Variants in LRRN2 observed in about 807,000 individuals in gnomAD.
LRRN2 encodes leucine-rich repeat neuronal protein 2.
Under a neutral mutation model 35.7 loss-of-function variants are expected in LRRN2, and 10 were observed. The ratio of observed to expected loss-of-function variants is 0.28; its 90% confidence interval spans 0.17 to 0.47. The LOEUF (loss-of-function observed/expected upper bound fraction) is 0.47. Ranked by LOEUF, LRRN2 falls within the 20% of genes least tolerant of loss-of-function variation. The probability of loss-of-function intolerance (pLI) is 0.99; values close to 1 mark genes in which losing one functional copy is unlikely to be tolerated. For synonymous variants in LRRN2, 391 were observed against 409.6 expected, an observed-to-expected ratio of 0.95 and a Z score of 0.55; for missense variants, 731 against 940.3, an observed-to-expected ratio of 0.78 and a Z score of 2.91.
At chr1:204,651,133 G>A (rs1668214853) in intron 1 of LRRN2, among the ~76,000 whole-genome samples, 1 of 152,172 alleles carries the variant, frequency 6.6e-6, no homozygotes, top group Admixed American at 6.5e-5. Flanking sequence ...TGCTGGTTCT[G>A]AGGAAGCTGT....
intron 1 of LRRN2, among the ~76,000 whole-genome samples, chr1:204,674,762 G>A (rs1462609812): frequency 6.6e-6 from 1 of 152,168 alleles, no homozygotes; most frequent in African/African-American, 2.4e-5. Flanking sequence ...CCAGGACAAA[G>A]AACACGGACA....
Position 204,638,410 on chromosome 1 carries a change from T to A in LRRN2, c.-226-18192A>T, listed in dbSNP as rs1463606675. 1.1e-4 allele frequency among the ~76,000 whole-genome samples: 14 copies of A among 127,026 alleles called. No individual in the cohort carries two copies. In the South Asian group the frequency reaches 4.1e-3, roughly 38 times the overall value. 83.3% of individuals were successfully genotyped at this position (127,026 alleles called of 152,430 possible). On this transcript the variant is annotated intron_variant, in intron 1 of 1. Coordinates refer to ENST00000367177, the MANE Select transcript of LRRN2 (RefSeq NM_201630.2). ...ACTTGCCCAAGGTCTTCCTTTTTTT[T>A]TTTTTTTTTTTTTTTTTTTGAGACG...
rs950300352 is a variant in LRRN2 at position 204,617,518 on chromosome 1, C to T, written c.*333G>A. On this transcript the variant is annotated 3_prime_UTR_variant, in exon 2 of 2. Coordinates refer to ENST00000367177, the MANE Select transcript of LRRN2 (RefSeq NM_201630.2). ...AAAGAGAAGAGGAAGGGGTGCAGCC[C>T]GGGGACACAGGTAGGGGACAGCCAA... is the stretch of plus-strand genomic sequence containing the variant. 18 of 330,878 alleles carry T rather than the reference C, an allele frequency of 5.4e-5. No homozygotes were observed. Among genetic ancestry groups the T allele is most frequent in the South Asian group, 3.0e-4 (9 of 29,902 alleles). 20.5% of individuals were successfully genotyped at this position (330,878 alleles called of 1,614,324 possible).
intron 1 of LRRN2, among the ~76,000 whole-genome samples, chr1:204,661,749 G>T (rs575775478): frequency 6.6e-6 from 1 of 152,188 alleles, no homozygotes; most frequent in Non-Finnish European, 1.5e-5. Flanking sequence ...GTTAGAGGTT[G>T]ACTATGCTGC....
At chr1:204,652,119 G>A (rs2492985) in intron 1 of LRRN2, among the ~76,000 whole-genome samples, 35,014 of 152,154 alleles carry the variant, frequency 0.23, 4,624 homozygotes, top group Non-Finnish European at 0.31. Context: ...AGAAGACAAA[G>A]GTTGCGGATG....
Position 204,617,799 on chromosome 1 carries a change from T to C in LRRN2, c.*52A>G, listed in dbSNP as rs1666457339. ...GCATCTGGCCCAGACTGCTTCTCTT[T>C]TGGTAAAAAGTAGTCCTAGTGATTT... On this transcript the variant is annotated 3_prime_UTR_variant, in exon 2 of 2. Transcript: ENST00000367177. 6.3e-7 allele frequency: 1 copy of C among 1,596,024 alleles called. No individual in the cohort carries two copies. The highest frequency in any genetic ancestry group is 1.1e-5 in the South Asian group (1 of 90,118).
intron 1 of LRRN2, among the ~76,000 whole-genome samples, chr1:204,667,128 A>G (rs1668590201): frequency 6.6e-6 from 1 of 152,166 alleles, no homozygotes; most frequent in East Asian, 1.9e-4. Context: ...AGCACAAGGG[A>G]GTCCTGTGAT....
At chr1:204,671,757 A>G (rs979326015) in intron 1 of LRRN2, among the ~76,000 whole-genome samples, 1 of 151,706 alleles carries the variant, frequency 6.6e-6, no homozygotes, top group Non-Finnish European at 1.5e-5. Flanking sequence ...TTGACTGGCT[A>G]AAAAATAAGT....
chr1:204,631,254 T>TTTAA (rs1558407588), intron 1 of LRRN2, among the ~76,000 whole-genome samples: 1 of 9,910 alleles, frequency 1.0e-4, no homozygotes, highest in Non-Finnish European at 2.4e-4. Flanking sequence ...ACCTAGAGTG[T>TTTAA]TCTATATATA....
At chr1:204,654,998 C>A (rs1668317523) in intron 1 of LRRN2, among the ~76,000 whole-genome samples, 1 of 152,244 alleles carries the variant, frequency 6.6e-6, no homozygotes, top group Non-Finnish European at 1.5e-5. Flanking sequence ...CTACCAGTAG[C>A]TGGGGAGCTG....
At chr1:204,676,195 C>T (rs1208242383) in intron 1 of LRRN2, among the ~76,000 whole-genome samples, 1 of 151,506 alleles carries the variant, frequency 6.6e-6, no homozygotes, top group Non-Finnish European at 1.5e-5. Context: ...CACACTTTAC[C>T]TGTTGCAAAA....
intron 1 of LRRN2, among the ~76,000 whole-genome samples, chr1:204,648,094 A>G (rs918321329): frequency 2.0e-4 from 30 of 152,218 alleles, no homozygotes; most frequent in Admixed American, 1.8e-3. Flanking sequence ...GGACACTTGG[A>G]AGGTGAGCCC....
chr1:204,654,486 T>C (rs112703349), intron 1 of LRRN2, among the ~76,000 whole-genome samples: 1 of 152,228 alleles, frequency 6.6e-6, no homozygotes, highest in African/African-American at 2.4e-5. Context: ...CCTGCTTTCT[T>C]AGTTGATAAG....
chr1:204,675,768 A>G (rs1668812533), intron 1 of LRRN2, among the ~76,000 whole-genome samples: 2 of 152,248 alleles, frequency 1.3e-5, no homozygotes, highest in African/African-American at 4.8e-5. Context: ...TCTGCCTACC[A>G]TACATTGAAA....
intron 1 of LRRN2, among the ~76,000 whole-genome samples, chr1:204,679,422 T>C (rs981042775): frequency 6.6e-6 from 1 of 152,220 alleles, no homozygotes; most frequent in African/African-American, 2.4e-5. Context: ...TTTGCTGCCT[T>C]TCTTTTCTCT....
chr1:204,671,403 T>TTGTGTGTGTGTGTG (rs60084787), intron 1 of LRRN2, among the ~76,000 whole-genome samples: 3 of 122,876 alleles, frequency 2.4e-5, no homozygotes, highest in Admixed American at 8.3e-5. Flanking sequence ...GTTTGTGTGT[T>TTGTGTGTGTGTGTG]TGTGTGTGTG....
At chr1:204,638,712 G>A (rs1204136647) in intron 1 of LRRN2, among the ~76,000 whole-genome samples, 2 of 152,062 alleles carry the variant, frequency 1.3e-5, no homozygotes, top group African/African-American at 4.8e-5. Flanking sequence ...GCCCGGCCAG[G>A]TCTTCTAAGT....
At position 204,619,372 on chromosome 1, in the gene LRRN2, C is replaced by T. The variant is rs1265044228; in HGVS notation, c.621G>A (p.Met207Ile). Reference sequence around the variant, plus strand: ...GCAGGTTGGCCAGGGGCCGGAAGTTCATGTCCAGGATGGCATCTACCTTGT... The same window carrying T: ...GCAGGTTGGCCAGGGGCCGGAAGTTTATGTCCAGGATGGCATCTACCTTGT... ...GGNKVDAILDMNFRPLANLRS... is the reference protein window; with the variant it reads ...GGNKVDAILDINFRPLANLRS... Residue 207 changes from methionine to isoleucine, a missense_variant, in exon 2 of 2, where the codon ATG (methionine) becomes ATA (isoleucine). Met to Ile is a conservative substitution (Grantham distance 10). Transcript: ENST00000367177. 6.2e-7 allele frequency: 1 copy of T among 1,614,236 alleles called. No individual in the cohort carries two copies. The highest frequency in any genetic ancestry group is 8.5e-7 in the Non-Finnish European group (1 of 1,180,052).
rs570547630 is a variant in LRRN2, at chr1:204,654,743, G to A, written c.-227+30577C>T. Among the ~76,000 whole-genome samples the A allele has an allele frequency of 6.6e-5, 10 of 152,280 alleles. No homozygotes were observed. The East Asian group carries it at 7.7e-4, about 12-fold the overall frequency. The stretch of plus-strand genomic sequence containing the variant: ...ATCCATCATTGGCATTAACCAGTGC[G>A]TGCTGGAACCAGCTTGCCCCAGTCC... On this transcript the variant is annotated intron_variant, in intron 1 of 1. Transcript: ENST00000367177.
Sources: gnomAD v4.1 joint callset for allele counts (sites outside exome capture counted in the v4.1 genomes callset) on GRCh38, gnomAD v4.1.1 for gene constraint, MANE v1.5 for transcripts, NCBI Gene and HGNC (gene_info 2026-07-23, HGNC 2026-07-21) for gene names.